Variants in ALMS1 observed in about 807,000 individuals in gnomAD.
ALMS1 encodes the protein centrosome-associated protein ALMS1.
In ALMS1, 271 loss-of-function variants were observed where a neutral mutation model predicts 352.2. The ratio of observed to expected loss-of-function variants is 0.77; its 90% CI spans 0.70 to 0.85. ALMS1 has a LOEUF of 0.85. Among genes scored for constraint, ALMS1 ranks in the 40% least tolerant of loss-of-function variants. The probability of loss-of-function intolerance (pLI) is 0.00; values close to 1 mark genes in which losing one functional copy is unlikely to be tolerated. For missense variants in ALMS1, 5,445 were observed against 4,870.7 expected (o/e 1.12, Z -3.51); for synonymous variants, 1,865 against 1,761.2 (o/e 1.06, Z -1.48).
rs771266951 is a variant in ALMS1, at chr2:73,448,586, C to T, written c.2059C>T (p.His687Tyr). The stretch of plus-strand genomic sequence containing the variant: ...CTATCGACAGACCTTGCCAGATGGT[C>T]ATCTAACTGATCAGGCTCTGAAAGT... ...FFYRQTLPDG[H>Y]LTDQALKVSA... The change falls in exon 8 of 23, where the codon CAT becomes TAT. Residue 687 changes from histidine (H) to tyrosine (Y), a missense_variant. Coordinates refer to ENST00000613296, the MANE Select transcript of ALMS1 (RefSeq NM_001378454.1). 1.3e-5 allele frequency: 21 copies of T among 1,613,886 alleles called. No individual in the cohort carries two copies. The highest frequency in any genetic ancestry group is 1.6e-5 in the Non-Finnish European group (19 of 1,179,972).
chr2:73,481,511 G>C (rs970789427), intron 9 of ALMS1, among the ~76,000 whole-genome samples: 1 of 152,284 alleles, frequency 6.6e-6, no homozygotes, highest in Non-Finnish European at 1.5e-5. Context: ...CAGGTAGCGT[G>C]ATGCCTCCAG....
chr2:73,403,290 C>G (rs989273736), intron 1 of ALMS1, among the ~76,000 whole-genome samples: 3 of 152,132 alleles, frequency 2.0e-5, no homozygotes, highest in Non-Finnish European at 4.4e-5. Flanking sequence ...AAGAGATCTT[C>G]TATTCCCTAT....
chr2:73,588,949 GAGAA>G (rs768272075), intron 16 of ALMS1, among the ~76,000 whole-genome samples: 10 of 152,196 alleles, frequency 6.6e-5, no homozygotes, highest in Admixed American at 1.3e-4. Context: ...TACGTTTACA[GAGAA>G]AGAGTTAAGA....
intron 11 of ALMS1, among the ~76,000 whole-genome samples, chr2:73,527,312 C>A (rs1211317594): frequency 6.6e-6 from 1 of 151,106 alleles, no homozygotes; most frequent in Non-Finnish European, 1.5e-5. Context: ...ATTCTCTCCT[C>A]TTCCATTTCT....
At chr2:73,489,523 A>G (rs906914344) in intron 9 of ALMS1, 111 bp from the exon 10 acceptor site, 1 of 1,225,686 alleles carries the variant, frequency 8.2e-7, no homozygotes, top group Non-Finnish European at 1.2e-6. Context: ...GAATGACATG[A>G]CCTTCATGGT....
intron 13 of ALMS1, among the ~76,000 whole-genome samples, chr2:73,556,639 T>TG (rs1674548525): frequency 2.2e-5 from 3 of 133,538 alleles, no homozygotes; most frequent in African/African-American, 6.8e-5. Flanking sequence ...TTTCCTTTTT[T>TG]TTTTTGTTTT....
At chr2:73,469,866 AAG>A (rs2103839139) in intron 9 of ALMS1, 1 of 152,010 alleles carries the variant, frequency 6.6e-6, no homozygotes, top group African/African-American at 2.4e-5. Context: ...TCTTAACAAA[AAG>A]AAAAAAACAA....
intron 3 of ALMS1, among the ~76,000 whole-genome samples, chr2:73,421,753 A>G (rs1671288695): frequency 6.6e-6 from 1 of 152,154 alleles, no homozygotes; most frequent in Non-Finnish European, 1.5e-5. Flanking sequence ...AAGCAGTGAC[A>G]GTATGTGTTT....
intron 13 of ALMS1, among the ~76,000 whole-genome samples, chr2:73,553,109 T>TAA (rs1284548859): frequency 6.6e-6 from 1 of 152,188 alleles, no homozygotes; most frequent in Admixed American, 6.5e-5. Context: ...CTTGACATTT[T>TAA]AAAACTGATT....
chr2:73,608,617 T>C, intron 22 of ALMS1, 43 bp downstream of exon 22: 1 of 1,490,354 alleles, frequency 6.7e-7, no homozygotes, highest in Non-Finnish European at 9.4e-7. Context: ...TCAGGTTTAT[T>C]GGCGGAAAGA....
rs530931670 is a variant in ALMS1, at chr2:73,517,083, T to C, written c.9540-2692T>C. On this transcript the variant is annotated intron_variant, in intron 10 of 22. Transcript: ENST00000613296. ...AAAAAAGGGAAATTGACCTTTTTTT[T>C]CTTTTCTCATAATTGTCCTTTTCAA... Among the ~76,000 whole-genome samples the C allele has an allele frequency of 6.3e-4, 96 of 152,108 alleles. 2 individuals are homozygous for C. Among genetic ancestry groups the C allele is most frequent in the African/African-American group, 2.1e-3 (86 of 41,482 alleles).
chr2:73,454,230 T>C (rs1350007782), intron 8 of ALMS1, 163 bp downstream of exon 8: 1 of 969,524 alleles, frequency 1.0e-6, no homozygotes, highest in South Asian at 4.8e-5. Flanking sequence ...CCAATAGAAT[T>C]GTTAGAATGA....
At chr2:73,465,862 C>T (rs1672328869) in intron 9 of ALMS1, among the ~76,000 whole-genome samples, 1 of 152,178 alleles carries the variant, frequency 6.6e-6, no homozygotes, top group African/African-American at 2.4e-5. Flanking sequence ...GACATTTATG[C>T]AGGCAAAAAA....
intron 9 of ALMS1, among the ~76,000 whole-genome samples, chr2:73,459,998 T>G (rs563067646): frequency 2.2e-4 from 33 of 152,322 alleles, no homozygotes; most frequent in African/African-American, 7.0e-4. Flanking sequence ...GAGCTGAGTT[T>G]ATACTAGTAC....
chr2:73,480,307 A>G (rs1248597912), intron 9 of ALMS1, among the ~76,000 whole-genome samples: 3 of 151,632 alleles, frequency 2.0e-5, no homozygotes, highest in Non-Finnish European at 4.4e-5. Flanking sequence ...ATTCCCACCT[A>G]TGAGTGAGAA....
At position 73,453,631 on chromosome 2, in the gene ALMS1, C is replaced by A. The variant is rs1671997247; in HGVS notation, c.7104C>A (p.Ser2368Arg). 1.9e-6 allele frequency: 3 copies of A among 1,613,846 alleles called. No individual in the cohort carries two copies. The highest frequency in any genetic ancestry group is 2.5e-6 in the Non-Finnish European group (3 of 1,179,996). The change falls in exon 8 of 23, where the codon AGC becomes AGA. Residue 2368 changes from serine to arginine, a missense_variant. By Grantham distance (110) the Ser-to-Arg change is moderately radical (BLOSUM62 -1). Coordinates refer to ENST00000613296, the MANE Select transcript of ALMS1 (RefSeq NM_001378454.1). ...TVRSPLQEAE[S>R]KVSMALEETL... ...GAAGTCCTCTACAGGAAGCAGAGAG[C>A]AAAGTCAGTATGGCATTAGAAGAAA...
In ALMS1 at chr2:73,450,878, G is replaced by C; in HGVS notation, c.4351G>C (p.Glu1451Gln). 1 of 1,614,146 alleles carries C rather than the reference G, an allele frequency of 6.2e-7. No homozygotes were observed. The stretch of plus-strand genomic sequence containing the variant: ...CTTGCCACATAGTCATCTACCTGAA[G>C]AGGCTTTGGAAGTTTCAGTTGCTCC... ...QVLPHSHLPE[E>Q]ALEVSVAPGP... Residue 1451 changes from glutamate (E) to glutamine (Q), a missense_variant, in exon 8 of 23, where the codon GAG becomes CAG. Glu to Gln is a conservative substitution (Grantham distance 29). Transcript: ENST00000613296.
At position 73,452,248 on chromosome 2, in the gene ALMS1, G is replaced by A. The variant is rs778054854; in HGVS notation, c.5721G>A (p.Gln1907=). ...GAGAGAAGGCCAGTATTTTTCATCA[G>A]CAGGAGTTGCCAGATGTTACTGAAG... ...SNREKASIFH[Q]QELPDVTEEA... The change falls in exon 8 of 23, where the codon CAG becomes CAA. Residue 1907 remains glutamine (Q), a synonymous_variant. Coordinates refer to ENST00000613296, the MANE Select transcript of ALMS1 (RefSeq NM_001378454.1). 5.6e-6 allele frequency: 9 copies of A among 1,614,032 alleles called. No homozygotes were observed. The highest frequency in any genetic ancestry group is 1.6e-4 in the Middle Eastern group (1 of 6,062).
At chr2:73,506,037 A>G (rs1407829510) in intron 10 of ALMS1, among the ~76,000 whole-genome samples, 2 of 152,156 alleles carry the variant, frequency 1.3e-5, no homozygotes, top group African/African-American at 4.8e-5. Context: ...AGCACTATTT[A>G]TTAAATAGGG....
Sources: gnomAD v4.1 joint callset for allele counts (sites outside exome capture counted in the v4.1 genomes callset) on GRCh38, gnomAD v4.1.1 for gene constraint, MANE v1.5 for transcripts, NCBI Gene and HGNC (gene_info 2026-07-23, HGNC 2026-07-21) for gene names.